SYT1: variants seen among roughly 807,000 people sequenced by gnomAD.
The protein encoded by SYT1 is synaptotagmin 1, also known as synaptotagmin-1.
Under a neutral mutation model 44.8 loss-of-function variants are expected in SYT1, and 8 were observed. The observed-to-expected ratio is 0.18, with a 90% CI of 0.10 to 0.32. The LOEUF (loss-of-function observed/expected upper bound fraction) is 0.32. Among genes scored for constraint, SYT1 ranks in the 10% least tolerant of loss-of-function variants. The pLI, the probability that SYT1 is intolerant of heterozygous loss-of-function variation, is 1.00. For synonymous variants in SYT1, 154 were observed against 188.8 expected (o/e 0.82, Z 1.51); for missense variants, 286 against 509.3 (o/e 0.56, Z 4.22).
chr12:78,983,870 G>A (rs1321213142), intron 2 of SYT1, among the ~76,000 whole-genome samples: 1 of 152,000 alleles, frequency 6.6e-6, no homozygotes, highest in African/African-American at 2.4e-5. Context: ...TTAACTAGCT[G>A]TTAAAAGGGC....
chr12:79,103,504 A>G (rs934714396), intron 3 of SYT1, among the ~76,000 whole-genome samples: 2 of 151,866 alleles, frequency 1.3e-5, no homozygotes, highest in Non-Finnish European at 2.9e-5. Context: ...CTTACTAAAA[A>G]TTTTTTTTAA....
At chr12:79,102,414 T>A (rs1878496201) in intron 3 of SYT1, among the ~76,000 whole-genome samples, 1 of 152,172 alleles carries the variant, frequency 6.6e-6, no homozygotes, top group African/African-American at 2.4e-5. Flanking sequence ...CTGTTGTTCC[T>A]TTTCAGCAAG....
Position 79,249,948 on chromosome 12 carries a change from T to TA in SYT1, c.166+32273dup, listed in dbSNP as rs547175568. On this transcript the variant is annotated intron_variant, in intron 4 of 10. Coordinates refer to ENST00000261205, the MANE Select transcript of SYT1 (RefSeq NM_005639.3). ...AACTCCTTAAAGTCCCCAGACCAAA[T>TA]AAAAAAAAAATAGGGTTGGGTCTGG... is the stretch of plus-strand genomic sequence containing the variant. 1.7e-3 allele frequency among the ~76,000 whole-genome samples: 253 copies of TA among 147,276 alleles called. 2 individuals are homozygous for TA. The highest frequency in any genetic ancestry group is 3.8e-3 in the Admixed American group (57 of 14,838).
chr12:79,236,488 A>G (rs943632016), intron 4 of SYT1, among the ~76,000 whole-genome samples: 1 of 152,114 alleles, frequency 6.6e-6, no homozygotes, highest in African/African-American at 2.4e-5. Flanking sequence ...AAACCTCCCT[A>G]TCCTAAAAGA....
At chr12:79,098,352 AT>A (rs1168945267) in intron 3 of SYT1, among the ~76,000 whole-genome samples, 2 of 152,018 alleles carry the variant, frequency 1.3e-5, no homozygotes, top group South Asian at 2.1e-4. Flanking sequence ...TACTAACAAA[AT>A]TTTTTGTATG....
intron 2 of SYT1, among the ~76,000 whole-genome samples, chr12:78,986,232 TTCA>T (rs1869632354): frequency 6.6e-6 from 1 of 152,020 alleles, no homozygotes; most frequent in African/African-American, 2.4e-5. Flanking sequence ...AATCTCTGTG[TTCA>T]TCATAATTTT....
intron 1 of SYT1, among the ~76,000 whole-genome samples, chr12:78,877,745 C>T (rs1215293151): frequency 6.6e-6 from 1 of 151,754 alleles, no homozygotes; most frequent in African/African-American, 2.4e-5. Context: ...CCTCCCAACT[C>T]AGCTACCTGA....
intron 1 of SYT1, among the ~76,000 whole-genome samples, chr12:78,969,858 T>G (rs765754442): frequency 2.0e-5 from 3 of 152,224 alleles, no homozygotes; most frequent in Non-Finnish European, 2.9e-5. Context: ...CCTTGGCAGA[T>G]GATCAAGATT....
chr12:79,299,423 G>T lies in SYT1; in HGVS notation c.682G>T (p.Ala228Ser). 1 of 1,613,380 alleles carries T rather than the reference G, an allele frequency of 6.2e-7. No individual in the cohort carries two copies. Among genetic ancestry groups the T allele is most frequent in the South Asian group, 1.1e-5 (1 of 91,050 alleles). The change falls in exon 8 of 11, where the codon GCT becomes TCT. Residue 228 changes from alanine (A) to serine (S), a missense_variant. Physicochemically the swap from Ala to Ser is moderately conservative, Grantham distance 99 (BLOSUM62 1). Around this residue, in one of 6 missense-constraint regions of SYT1, gnomAD observed 81 missense variants for 164.9 expected, o/e 0.49. Transcript: ENST00000261205. Reference sequence around the variant, plus strand: ...ATTGGGTGGCAAAACCCTAGTGATGGCTGTATATGATTTTGATCGTTTCTC... The same window carrying T: ...ATTGGGTGGCAAAACCCTAGTGATGTCTGTATATGATTTTGATCGTTTCTC... The part of the protein sequence containing the change: ...SELGGKTLVM[A>S]VYDFDRFSKH...
At chr12:79,397,447 T>G (rs1246926647) in intron 9 of SYT1, among the ~76,000 whole-genome samples, 1 of 152,146 alleles carries the variant, frequency 6.6e-6, no homozygotes, top group African/African-American at 2.4e-5. Context: ...CAGGCTGGTC[T>G]CGAACTCCCG....
intron 9 of SYT1, among the ~76,000 whole-genome samples, chr12:79,407,304 G>A (rs937939051): frequency 1.3e-5 from 2 of 152,024 alleles, no homozygotes; most frequent in African/African-American, 4.8e-5. Context: ...AAGGAAAATA[G>A]ACTCATAAGA....
chr12:78,950,021 T>G (rs1878879771), intron 1 of SYT1, among the ~76,000 whole-genome samples: 2 of 151,906 alleles, frequency 1.3e-5, no homozygotes, highest in African/African-American at 2.4e-5. Flanking sequence ...AACCCACAAT[T>G]CTCCAATTAT....
intron 1 of SYT1, chr12:78,960,380 A>C (rs530045575): frequency 2.6e-5 from 4 of 152,324 alleles, no homozygotes; most frequent in African/African-American, 9.6e-5. Flanking sequence ...ATAAGTAAAT[A>C]TGTTTATAAT....
intron 6 of SYT1, among the ~76,000 whole-genome samples, chr12:79,293,063 A>G (rs1047590775): frequency 6.6e-6 from 1 of 151,848 alleles, no homozygotes; most frequent in Non-Finnish European, 1.5e-5. Context: ...CTGTAATCCC[A>G]GCACTTTGGG....
intron 9 of SYT1, among the ~76,000 whole-genome samples, chr12:79,373,774 T>C (rs1353013517): frequency 6.6e-6 from 1 of 152,168 alleles, no homozygotes; most frequent in African/African-American, 2.4e-5. Flanking sequence ...TTAGCCAGCT[T>C]CTCTAACCTG....
chr12:79,054,178 C>CT (rs1454754460), intron 3 of SYT1, among the ~76,000 whole-genome samples: 1 of 152,038 alleles, frequency 6.6e-6, no homozygotes, highest in Non-Finnish European at 1.5e-5. Flanking sequence ...TCAGGTCTGT[C>CT]TGATTTCTCC....
chr12:79,245,993 A>G lies in SYT1; in HGVS notation c.166+28308A>G, dbSNP rs143913396. On this transcript the variant is annotated intron_variant, in intron 4 of 10. Coordinates refer to ENST00000261205, the MANE Select transcript of SYT1 (RefSeq NM_005639.3). ...GTTGCAGAAAATCAGCCCCTGCACCATAGTATGAGATAAATGTTTAGCATC... is the reference window on the plus strand; with the variant it reads ...GTTGCAGAAAATCAGCCCCTGCACCGTAGTATGAGATAAATGTTTAGCATC... Among the ~76,000 whole-genome samples, 480 of 152,312 alleles carry G rather than the reference A, an allele frequency of 3.2e-3. 3 individuals are homozygous for G. The highest frequency in any genetic ancestry group is 0.011 in the African/African-American group (455 of 41,572).
Position 79,217,551 on chromosome 12 carries a change from C to A in SYT1, c.32C>A (p.Ala11Glu), listed in dbSNP as rs761708111. Reference protein sequence around the residue: MVSESHHEALAAPPVTTVATV... With the variant: MVSESHHEALEAPPVTTVATV... Reference sequence around the variant, plus strand: ...AGCGAGAGTCACCATGAGGCCCTGGCAGCCCCGCCTGTCACCACTGTCGCG... The same window carrying A: ...AGCGAGAGTCACCATGAGGCCCTGGAAGCCCCGCCTGTCACCACTGTCGCG... The change falls in exon 4 of 11, where the codon GCA (alanine) becomes GAA (glutamate). Residue 11 changes from alanine to glutamate, a missense_variant. Physicochemically the swap from Ala to Glu is moderately radical, Grantham distance 107. Transcript: ENST00000261205. 2.5e-6 allele frequency: 4 copies of A among 1,604,726 alleles called. No homozygotes were observed. The highest frequency in any genetic ancestry group is 3.4e-5 in the Admixed American group (2 of 58,820).
intron 2 of SYT1, among the ~76,000 whole-genome samples, chr12:78,984,678 C>T (rs1869517652): frequency 1.3e-5 from 2 of 151,784 alleles, no homozygotes; most frequent in Admixed American, 1.3e-4. Context: ...AAGAAACACA[C>T]ATAAAGATGA....
Sources: gnomAD v4.1 joint callset for allele counts (sites outside exome capture counted in the v4.1 genomes callset) on GRCh38, gnomAD v4.1.1 for gene constraint, gnomAD v4.1.1 regional missense constraint, MANE v1.5 for transcripts, NCBI Gene and HGNC (gene_info 2026-07-23, HGNC 2026-07-21) for gene names.